The following DENND5A variants were observed in gnomAD, a reference collection of about 807,000 sequenced individuals.
The protein encoded by DENND5A is DENN domain containing 5A.
A neutral mutation model predicts 140.3 loss-of-function variants in DENND5A; 64 were observed. The observed-to-expected ratio is 0.46, with a 90% CI of 0.37 to 0.56. The LOEUF is 0.56. Ranked by LOEUF, DENND5A falls within the 20% of genes least tolerant of loss-of-function variation. The pLI is 0.00. For synonymous variants in DENND5A, 605 were observed against 607.7 expected (o/e 1.00, Z 0.07); for missense variants, 1,292 against 1,593.8 (o/e 0.81, Z 3.22).
intron 1 of DENND5A, among the ~76,000 whole-genome samples, chr11:9,210,393 G>A (rs908186953): frequency 4.0e-5 from 6 of 151,674 alleles, no homozygotes; most frequent in Admixed American, 3.9e-4. Flanking sequence ...AGTCAACTAT[G>A]TGTGAGTCTA....
intron 11 of DENND5A, among the ~76,000 whole-genome samples, chr11:9,163,405 T>A (rs1848058157): frequency 6.6e-6 from 1 of 152,192 alleles, no homozygotes; most frequent in Non-Finnish European, 1.5e-5. Flanking sequence ...ATGTATATTT[T>A]CCCACATATT....
At chr11:9,230,286 G>A (rs1850717257) in intron 1 of DENND5A, among the ~76,000 whole-genome samples, 1 of 117,978 alleles carries the variant, frequency 8.5e-6, no homozygotes, top group Admixed American at 1.2e-4. Flanking sequence ...TTTCACCCAG[G>A]CCAAAGTGCA....
intron 1 of DENND5A, among the ~76,000 whole-genome samples, chr11:9,255,561 G>A (rs543945735): frequency 7.3e-5 from 11 of 150,240 alleles, no homozygotes; most frequent in Admixed American, 2.0e-4. Flanking sequence ...GTAAAACCCC[G>A]TTTCTACTAA....
In DENND5A at chr11:9,145,817, T is replaced by G; in HGVS notation, c.2858-2A>C. 6.2e-7 allele frequency: 1 copy of G among 1,614,178 alleles called. No individual in the cohort carries two copies. The highest frequency in any genetic ancestry group is 8.5e-7 in the Non-Finnish European group (1 of 1,180,008). On this transcript the variant is annotated splice_acceptor_variant, in intron 16 of 22. Transcript: ENST00000328194. LOFTEE classifies it high-confidence loss of function. ...CGATCAGAATGTGGTACGGGATCAC[T>G]GTTTAGGGGAAGCCACAAAAGTATT...
intron 22 of DENND5A, chr11:9,140,207 T>A: frequency 1.5e-6 from 2 of 1,335,002 alleles, no homozygotes; most frequent in Non-Finnish European, 2.0e-6. Flanking sequence ...ACACTCAGCA[T>A]GTGCTGGCAC....
At chr11:9,252,212 C>T (rs1253288809) in intron 1 of DENND5A, among the ~76,000 whole-genome samples, 41 of 147,692 alleles carry the variant, frequency 2.8e-4, no homozygotes, top group Non-Finnish European at 1.5e-5. Context: ...GCAGGAGAAT[C>T]GCTTGAACCC....
At chr11:9,226,612 T>C (rs1017366135) in intron 1 of DENND5A, among the ~76,000 whole-genome samples, 2 of 152,172 alleles carry the variant, frequency 1.3e-5, no homozygotes, top group Non-Finnish European at 2.9e-5. Flanking sequence ...AAGTTTTCCT[T>C]TTTTTTAAAT....
chr11:9,244,749 C>A (rs1851392487), intron 1 of DENND5A, among the ~76,000 whole-genome samples: 1 of 152,152 alleles, frequency 6.6e-6, no homozygotes, highest in South Asian at 2.1e-4. Context: ...TATCTCAGCT[C>A]ACTGCAACCC....
rs773343979 is a variant in DENND5A, at chr11:9,203,759, A to C, written c.850T>G (p.Phe284Val). The C allele has an allele frequency of 8.1e-6, 13 of 1,614,202 alleles. No homozygotes were observed. The highest frequency in any genetic ancestry group is 1.1e-5 in the South Asian group (1 of 91,090). Residue 284 changes from phenylalanine to valine, a missense_variant, in exon 4 of 23, where the codon TTT (phenylalanine) becomes GTT (valine). By Grantham distance (50) the Phe-to-Val change is conservative (BLOSUM62 -1). Coordinates refer to ENST00000328194, the MANE Select transcript of DENND5A (RefSeq NM_015213.4). ...PSTNELPLFDFPVKEVFELLG... is the reference protein window; with the variant it reads ...PSTNELPLFDVPVKEVFELLG... ...AGTTCAAAAACCTCTTTGACAGGAA[A>C]GTCAAATAGGGGAAGCTCATTGGTA... is the stretch of plus-strand genomic sequence containing the variant.
intron 1 of DENND5A, among the ~76,000 whole-genome samples, chr11:9,252,879 T>C (rs1851791515): frequency 6.7e-6 from 1 of 148,550 alleles, no homozygotes; most frequent in African/African-American, 2.5e-5. Flanking sequence ...AGTCAGGGTC[T>C]CACCCTATTG....
chr11:9,204,011 T>C lies in DENND5A; in HGVS notation c.598A>G (p.Thr200Ala), dbSNP rs1849609582. ...CAGATGCACTTAGAGACGTAGAGAGTGTCCCGGCTAATGTCATAGGAGTTG... is the reference window on the plus strand; with the variant it reads ...CAGATGCACTTAGAGACGTAGAGAGCGTCCCGGCTAATGTCATAGGAGTTG... ...RFNSYDISRDTLYVSKCICLI... is the reference protein window; with the variant it reads ...RFNSYDISRDALYVSKCICLI... The change falls in exon 4 of 23, where the codon ACT becomes GCT. Residue 200 changes from threonine (T) to alanine (A), a missense_variant. Around this residue, in one of 4 missense-constraint regions of DENND5A, gnomAD observed 566 missense variants for 650.4 expected, o/e 0.87. Transcript: ENST00000328194. 7 of 1,613,804 alleles carry C rather than the reference T, an allele frequency of 4.3e-6. No individual in the cohort carries two copies. In the East Asian group the frequency reaches 1.3e-4, roughly 31 times the overall value.
chr11:9,239,951 T>C (rs185934412), intron 1 of DENND5A, among the ~76,000 whole-genome samples: 93 of 152,344 alleles, frequency 6.1e-4, no homozygotes, highest in Non-Finnish European at 1.2e-3. Flanking sequence ...GATTATTAAA[T>C]TAATCAATGA....
intron 1 of DENND5A, among the ~76,000 whole-genome samples, chr11:9,258,566 C>T (rs941566185): frequency 6.6e-6 from 1 of 151,904 alleles, no homozygotes; most frequent in African/African-American, 2.4e-5. Flanking sequence ...CTATTGCACA[C>T]ACAGTATTCT....
chr11:9,156,935 G>A (rs539062831), intron 12 of DENND5A, among the ~76,000 whole-genome samples: 2 of 150,444 alleles, frequency 1.3e-5, no homozygotes, highest in African/African-American at 4.9e-5. Context: ...GAGAATTCCT[G>A]CAGAATAATA....
At chr11:9,206,837 G>T in intron 2 of DENND5A, 55 bp from the exon 3 acceptor site, 2 of 1,298,882 alleles carry the variant, frequency 1.5e-6, no homozygotes, top group Non-Finnish European at 2.2e-6. Flanking sequence ...TAAGTCACAG[G>T]GTTATAAATG....
intron 1 of DENND5A, among the ~76,000 whole-genome samples, chr11:9,252,324 A>C (rs998262544): frequency 2.7e-5 from 4 of 147,798 alleles, no homozygotes; most frequent in African/African-American, 1.0e-4. Context: ...AGAACTAAAT[A>C]TAAAAATCTG....
intron 12 of DENND5A, 82 bp from the exon 13 acceptor site, chr11:9,152,524 C>T (rs1481121771): frequency 1.6e-5 from 15 of 955,000 alleles, no homozygotes; most frequent in Non-Finnish European, 2.6e-5. Flanking sequence ...GAAGCTTTTG[C>T]TAAAAAAATA....
At chr11:9,197,219 C>T (rs1849359852) in intron 4 of DENND5A, among the ~76,000 whole-genome samples, 1 of 150,998 alleles carries the variant, frequency 6.6e-6, no homozygotes, top group African/African-American at 2.4e-5. Context: ...GCAGAAGAAT[C>T]GTTTGAACCC....
In DENND5A at chr11:9,192,485, G is replaced by A. The variant is rs559201044; in HGVS notation, c.1137+1009C>T. Among the ~76,000 whole-genome samples the A allele has an allele frequency of 2.1e-4, 32 of 152,194 alleles. No homozygotes were observed. In the South Asian group the frequency reaches 3.7e-3, roughly 18 times the overall value. ...CTACTAAAAATACAAAAATTTAGCC[G>A]GGTGTGGTGGTGGGCACCTGTAATC... On this transcript the variant is annotated intron_variant, in intron 5 of 22. Coordinates refer to ENST00000328194, the MANE Select transcript of DENND5A (RefSeq NM_015213.4).
Sources: gnomAD v4.1 joint callset for allele counts (sites outside exome capture counted in the v4.1 genomes callset) on GRCh38, gnomAD v4.1.1 for gene constraint, gnomAD v4.1.1 regional missense constraint, MANE v1.5 for transcripts, NCBI Gene and HGNC (gene_info 2026-07-23, HGNC 2026-07-21) for gene names.